TRIM37: variants seen among roughly 807,000 people sequenced by gnomAD.
The protein encoded by TRIM37 is tripartite motif containing 37.
A neutral mutation model predicts 129.8 loss-of-function variants in TRIM37; 80 were observed. The observed-to-expected ratio is 0.62, with a 90% CI of 0.51 to 0.74. TRIM37 has a LOEUF of 0.74. TRIM37 is among the 30% of genes least tolerant of loss of function. The probability of loss-of-function intolerance (pLI) is 0.00; values close to 1 mark genes in which losing one functional copy is unlikely to be tolerated. For missense variants in TRIM37, 1,054 were observed against 1,176.5 expected (o/e 0.90, Z 1.52); for synonymous variants, 389 against 387.1 (o/e 1.00, Z -0.06).
intron 12 of TRIM37, among the ~76,000 whole-genome samples, chr17:59,058,885 T>A (rs1441081991): frequency 6.6e-6 from 1 of 152,014 alleles, no homozygotes; most frequent in Non-Finnish European, 1.5e-5. Context: ...AAGTATACAT[T>A]GGGAAAGCCA....
At chr17:58,987,282 G>T (rs1001921401) in intron 24 of TRIM37, among the ~76,000 whole-genome samples, 1 of 152,192 alleles carries the variant, frequency 6.6e-6, no homozygotes, top group Non-Finnish European at 1.5e-5. Flanking sequence ...ACAGCTACAG[G>T]ATTAGGGGTG....
chr17:59,080,628 T>C (rs2043174108), intron 6 of TRIM37, among the ~76,000 whole-genome samples: 1 of 152,012 alleles, frequency 6.6e-6, no homozygotes, highest in Non-Finnish European at 1.5e-5. Flanking sequence ...CTGTCTCTAC[T>C]AAAAATACAA....
the TRIM37 span, among the ~76,000 whole-genome samples, chr17:58,973,372 G>A: frequency 1.3e-5 from 2 of 150,096 alleles, no homozygotes; most frequent in South Asian, 2.1e-4. Context: ...AGTGGAGATC[G>A]CGCCATTGCA....
In TRIM37 at chr17:59,015,676, G is replaced by C; in HGVS notation, c.2510C>G (p.Ala837Gly). The change falls in exon 21 of 24, where the codon GCT (alanine) becomes GGT (glycine). Residue 837 changes from alanine to glycine, a missense_variant. Ala to Gly is a moderately conservative substitution (Grantham distance 60). This residue lies in a region of TRIM37 where 287 missense variants were observed against 274.3 expected (regional missense o/e 1.05). Coordinates refer to ENST00000262294, the MANE Select transcript of TRIM37 (RefSeq NM_015294.6). Reference protein sequence around the residue: ...DRQCKALDSDAVVVAVFSGLP... With the variant: ...DRQCKALDSDGVVVAVFSGLP... ...GCCACTGAAAACTGCAACCACAACA[G>C]CATCTGAATCCAAAGCTTTACACTG... 2 of 1,614,126 alleles carry C rather than the reference G, an allele frequency of 1.2e-6. No homozygotes were observed. Among genetic ancestry groups the C allele is most frequent in the Non-Finnish European group, 1.7e-6 (2 of 1,180,022 alleles).
the TRIM37 span, among the ~76,000 whole-genome samples, chr17:58,968,467 T>C: frequency 6.6e-6 from 1 of 152,166 alleles, no homozygotes; most frequent in Admixed American, 6.5e-5. Flanking sequence ...AGTACAGATA[T>C]ACTTGTTATT....
chr17:58,987,100 C>T (rs2031891500), intron 24 of TRIM37, among the ~76,000 whole-genome samples: 1 of 152,146 alleles, frequency 6.6e-6, no homozygotes. Flanking sequence ...AGGGCCCTCA[C>T]ACACAGGTTC....
At chr17:59,017,563 G>T in intron 19 of TRIM37, 139 bp from the exon 20 acceptor site, 2 of 1,156,514 alleles carry the variant, frequency 1.7e-6, no homozygotes, top group Non-Finnish European at 2.5e-6. Context: ...ACATTCTGTA[G>T]CCCCAATTGG....
chr17:59,101,435 A>G (rs2045457464), intron 2 of TRIM37, among the ~76,000 whole-genome samples: 1 of 152,090 alleles, frequency 6.6e-6, no homozygotes, highest in African/African-American at 2.4e-5. Context: ...ACCAATGTTC[A>G]TACTTCTCTA....
intron 2 of TRIM37, among the ~76,000 whole-genome samples, chr17:59,098,613 C>A (rs2045140700): frequency 6.8e-6 from 1 of 146,954 alleles, no homozygotes; most frequent in East Asian, 2.0e-4. Context: ...TGCAGTGAGC[C>A]ATGATTGTGT....
At position 59,051,178 on chromosome 17, in the gene TRIM37, T is replaced by C. The variant is rs187773047; in HGVS notation, c.1314+36A>G. The C allele has an allele frequency of 1.4e-4, 194 of 1,358,716 alleles. 3 individuals carry two copies. In the African/African-American group the frequency reaches 2.0e-3, roughly 14 times the overall value. The allele number at this position is 1,358,716 out of a possible 1,614,324, so 84.2% of individuals were successfully genotyped here. A position where few individuals can be genotyped will look rare whatever the true frequency, so the allele number is the denominator to read the frequency against. On this transcript the variant is annotated intron_variant, in intron 14 of 23. Transcript: ENST00000262294. ...CAAATATAACAAGCCAAAAGGACAA[T>C]AGGAAACACCAAAACAGAAATAGAT...
At chr17:59,092,055 G>A (rs961563234) in intron 2 of TRIM37, among the ~76,000 whole-genome samples, 2 of 151,350 alleles carry the variant, frequency 1.3e-5, no homozygotes, top group African/African-American at 2.4e-5. Flanking sequence ...AAATTAAACC[G>A]AAAAAAATGA....
chr17:58,994,677 A>C (rs968994975), downstream of TRIM37, among the ~76,000 whole-genome samples: 1 of 152,180 alleles, frequency 6.6e-6, no homozygotes, highest in Non-Finnish European at 1.5e-5. Flanking sequence ...GGACTTTGGT[A>C]TCCACAGGGA....
intron 17 of TRIM37, among the ~76,000 whole-genome samples, chr17:59,038,328 A>G (rs886336656): frequency 6.6e-6 from 1 of 152,222 alleles, no homozygotes. Flanking sequence ...ACTCACCCTT[A>G]GGTTATAAAT....
intron 13 of TRIM37, among the ~76,000 whole-genome samples, chr17:59,055,332 C>CAAAAA (rs34519741): frequency 3.0e-5 from 2 of 65,656 alleles, no homozygotes; most frequent in African/African-American, 1.2e-4. Flanking sequence ...AACTCTGTCT[C>CAAAAA]AAAAAAAAAA....
chr17:59,069,132 A>C (rs2042157806), intron 9 of TRIM37, among the ~76,000 whole-genome samples: 2 of 152,116 alleles, frequency 1.3e-5, no homozygotes, highest in Non-Finnish European at 2.9e-5. Flanking sequence ...AAATCACTTG[A>C]GGTGAGGAGT....
At chr17:58,968,669 T>C in the TRIM37 span, among the ~76,000 whole-genome samples, 1 of 152,170 alleles carries the variant, frequency 6.6e-6, no homozygotes, top group Non-Finnish European at 1.5e-5. Flanking sequence ...CAGGACTCAG[T>C]GCGAGTTCAG....
intron 24 of TRIM37, among the ~76,000 whole-genome samples, chr17:58,988,946 A>G (rs963010891): frequency 3.3e-5 from 5 of 152,240 alleles, no homozygotes; most frequent in Admixed American, 1.3e-4. Flanking sequence ...TCCACCAGCC[A>G]TAATATATTA....
chr17:59,014,770 G>C (rs2035697625), intron 21 of TRIM37, among the ~76,000 whole-genome samples: 1 of 150,700 alleles, frequency 6.6e-6, no homozygotes, highest in African/African-American at 2.4e-5. Context: ...AAATTTACAA[G>C]GCAGAGTTCA....
intron 20 of TRIM37, 143 bp downstream of exon 20, chr17:59,017,153 G>C: frequency 9.5e-7 from 1 of 1,055,812 alleles, no homozygotes. Flanking sequence ...GACAAAGTGA[G>C]ACCCTGTTTC....
Sources: gnomAD v4.1 joint callset for allele counts (sites outside exome capture counted in the v4.1 genomes callset) on GRCh38, gnomAD v4.1.1 for gene constraint, gnomAD v4.1.1 regional missense constraint, MANE v1.5 for transcripts, NCBI Gene and HGNC (gene_info 2026-07-23, HGNC 2026-07-21) for gene names.